The following NID2 variants were observed in gnomAD, a reference collection of about 807,000 sequenced individuals.
NID2 encodes the protein nidogen-2.
A neutral mutation model predicts 145.4 loss-of-function variants in NID2; 83 were observed. That is an observed-to-expected ratio of 0.57 (90% CI 0.48 to 0.69). The LOEUF is 0.69. Ranked by LOEUF, NID2 falls within the 30% of genes least tolerant of loss-of-function variation. NID2 has a pLI of 0.00. For synonymous variants in NID2, 739 were observed against 701.3 expected (o/e 1.05, Z -0.85); for missense variants, 1,807 against 1,765.7 (o/e 1.02, Z -0.42).
intron 9 of NID2, among the ~76,000 whole-genome samples, chr14:52,036,069 A>C (rs1183334866): frequency 6.6e-6 from 1 of 151,834 alleles, no homozygotes; most frequent in African/African-American, 2.4e-5. Context: ...ATAATTAAAC[A>C]ATTTCGTCTA....
intron 9 of NID2, among the ~76,000 whole-genome samples, chr14:52,030,585 A>AGGAAGGAAGG (rs1891807162): frequency 2.5e-4 from 10 of 40,492 alleles, no homozygotes; most frequent in South Asian, 2.5e-3. Flanking sequence ...AGGGAAAGAA[A>AGGAAGGAAGG]GAAAGAAAGA....
At chr14:52,028,102 A>G (rs1265584185) in intron 11 of NID2, among the ~76,000 whole-genome samples, 2 of 152,212 alleles carry the variant, frequency 1.3e-5, no homozygotes, top group African/African-American at 4.8e-5. Context: ...CTCTATCTAA[A>G]GAGCTGGAGG....
rs1890723927 is a variant in NID2, at chr14:52,005,325, G to A, written c.*161C>T. On this transcript the variant is annotated 3_prime_UTR_variant, in exon 22 of 22. Transcript: ENST00000216286. ...TACAGTAGTAAAGATTGAGGTATCA[G>A]CTTTTCACAAAAGTCTTTTTGCACT... The A allele has an allele frequency of 1.3e-5, 7 of 522,790 alleles. No homozygotes were observed. The highest frequency in any genetic ancestry group is 7.0e-5 in the South Asian group (1 of 14,248). 32.4% of individuals were successfully genotyped at this position (522,790 alleles called of 1,614,324 possible).
chr14:52,030,554 AAG>A (rs1261559929), intron 9 of NID2, among the ~76,000 whole-genome samples: 2 of 71,776 alleles, frequency 2.8e-5, no homozygotes, highest in African/African-American at 9.7e-5. Context: ...GAAAGAAAGA[AAG>A]AAAGAAAGAA....
chr14:52,011,439 G>C, intron 17 of NID2, 115 bp downstream of exon 17: 1 of 1,312,148 alleles, frequency 7.6e-7, no homozygotes, highest in Non-Finnish European at 1.1e-6. Flanking sequence ...AAAATGACTT[G>C]CCTAGAACTT....
chr14:52,041,008 A>T (rs544340183), intron 7 of NID2, among the ~76,000 whole-genome samples, 157 bp from the exon 8 acceptor site: 86 of 152,300 alleles, frequency 5.6e-4, no homozygotes, highest in Admixed American at 1.0e-3. Flanking sequence ...TGTTGATTCC[A>T]TAAGTTCCCA....
intron 5 of NID2, among the ~76,000 whole-genome samples, chr14:52,049,445 G>C (rs2516584): frequency 0.51 from 77,560 of 151,292 alleles, 20,158 homozygotes; most frequent in South Asian, 0.6. Context: ...AAGGCCCTGG[G>C]CCAGACACAG....
At chr14:52,043,568 A>G (rs907178503) in intron 5 of NID2, among the ~76,000 whole-genome samples, 1 of 152,230 alleles carries the variant, frequency 6.6e-6, no homozygotes, top group African/African-American at 2.4e-5. Context: ...TGGGTATGGT[A>G]CAAGCATGAT....
At chr14:52,046,318 A>G (rs1309848064) in intron 5 of NID2, among the ~76,000 whole-genome samples, 2 of 51,090 alleles carry the variant, frequency 3.9e-5, no homozygotes, top group East Asian at 1.1e-3. Context: ...GAGAGACTCC[A>G]TCTCAAAAAA....
At chr14:52,012,559 C>T (rs1260941597) in intron 16 of NID2, among the ~76,000 whole-genome samples, 1 of 151,052 alleles carries the variant, frequency 6.6e-6, no homozygotes, top group Non-Finnish European at 1.5e-5. Flanking sequence ...GATGGTGCCA[C>T]TGCACTGCAG....
chr14:52,020,405 GTT>G (rs1333688046), intron 12 of NID2: 6 of 517,502 alleles, frequency 1.2e-5, no homozygotes, highest in Non-Finnish European at 1.6e-5. Context: ...GACTAAACGT[GTT>G]CAGTGTAGAA....
At chr14:52,007,512 C>A (rs1323715910) in intron 19 of NID2, 5 of 353,930 alleles carry the variant, frequency 1.4e-5, no homozygotes, top group Non-Finnish European at 2.6e-5. Context: ...AGAATAACTT[C>A]ACTTAAGTTT....
intron 16 of NID2, among the ~76,000 whole-genome samples, chr14:52,012,306 G>T (rs1361772799): frequency 6.6e-6 from 1 of 152,104 alleles, no homozygotes; most frequent in Non-Finnish European, 1.5e-5. Flanking sequence ...GTTATATCCT[G>T]TACTAAAGAA....
chr14:52,067,776 C>T (rs1317234094), intron 2 of NID2, 82 bp downstream of exon 2: 10 of 1,507,404 alleles, frequency 6.6e-6, no homozygotes, highest in Admixed American at 5.2e-5. Flanking sequence ...GAAACAACTC[C>T]GAGCCAGTCC....
chr14:52,065,459 T>TTTC (rs1200087502), intron 2 of NID2, among the ~76,000 whole-genome samples: 1 of 141,988 alleles, frequency 7.0e-6, no homozygotes, highest in African/African-American at 2.8e-5. Context: ...CTCCTTTCTT[T>TTTC]TTTTTTTTTT....
chr14:52,065,429 T>A lies in NID2; in HGVS notation c.534+2429A>T, dbSNP rs183031216. On this transcript the variant is annotated intron_variant, in intron 2 of 21. Transcript: ENST00000216286. Reference sequence around the variant, plus strand: ...TTCAATGTGGGTAATTGAAAGAACATCCCCTATCCAAACAGAATCCTCCTT... The same window carrying A: ...TTCAATGTGGGTAATTGAAAGAACAACCCCTATCCAAACAGAATCCTCCTT... Among the ~76,000 whole-genome samples the A allele has an allele frequency of 2.7e-5, 4 of 149,870 alleles. 1 individual carries two copies. The East Asian group carries it at 5.9e-4, about 22-fold the overall frequency.
Position 52,014,904 on chromosome 14 carries a change from T to C in NID2, c.3250+150A>G, listed in dbSNP as rs1016485805. The C allele has an allele frequency of 5.0e-5, 34 of 683,738 alleles. No homozygotes were observed. In the African/African-American group the frequency reaches 6.1e-4, roughly 12 times the overall value. 42.4% of individuals were successfully genotyped at this position (683,738 alleles called of 1,614,324 possible). On this transcript the variant is annotated intron_variant, in intron 15 of 21. Transcript: ENST00000216286. ...ACCAAACGCAAATTGGGATCTTGTG[T>C]GGACCAGATTATAAATCAACATAGC...
rs115984100 is a variant in NID2 at position 52,067,145 on chromosome 14, C to T, written c.534+713G>A. Among the ~76,000 whole-genome samples the T allele has an allele frequency of 3.1e-3, 466 of 152,226 alleles. 1 individual carries two copies. Among genetic ancestry groups the T allele is most frequent in the African/African-American group, 0.011 (440 of 41,538 alleles). On this transcript the variant is annotated intron_variant, in intron 2 of 21. Transcript: ENST00000216286. ...ATTTAGCTTTTTAAAAAGTGATTCA[C>T]GCTATTATTTATAATAATGAAAAAC...
intron 14 of NID2, 89 bp from the exon 15 acceptor site, chr14:52,015,364 GCCT>G: frequency 8.0e-7 from 1 of 1,243,576 alleles, no homozygotes; most frequent in Non-Finnish European, 1.1e-6. Flanking sequence ...CCCATGCCTG[GCCT>G]CCTGGCCTTC....
Sources: allele counts gnomAD v4.1 joint callset (sites outside exome capture counted in the v4.1 genomes callset), GRCh38; gene constraint gnomAD v4.1.1; transcripts MANE v1.5; gene names NCBI Gene and HGNC (gene_info 2026-07-23, HGNC 2026-07-21).